ARSB: variants seen among roughly 807,000 people sequenced by gnomAD.
ARSB encodes arylsulfatase B, also known as N-acetylgalactosamine-4-sulfatase.
A neutral mutation model predicts 50.9 loss-of-function variants in ARSB; 41 were observed. That is an observed-to-expected ratio of 0.81 (90% CI 0.63 to 1.04). ARSB has a LOEUF of 1.04. Ranked by LOEUF, ARSB falls within the 50% of genes least tolerant of loss-of-function variation. ARSB has a pLI of 0.00. For missense variants in ARSB, 672 were observed against 693.3 expected, an observed-to-expected ratio of 0.97 and a Z score of 0.35; for synonymous variants, 269 against 284.8, an observed-to-expected ratio of 0.94 and a Z score of 0.56.
intron 1 of ARSB, among the ~76,000 whole-genome samples, chr5:78,974,290 G>A (rs1752577420): frequency 6.6e-6 from 1 of 152,222 alleles, no homozygotes; most frequent in Admixed American, 6.5e-5. Context: ...TCGGGCTGCA[G>A]AACTGGCCCG....
intron 4 of ARSB, among the ~76,000 whole-genome samples, chr5:78,908,565 T>C (rs934017488): frequency 1.3e-5 from 2 of 152,098 alleles, no homozygotes; most frequent in East Asian, 3.9e-4. Flanking sequence ...GCGGGCAGCC[T>C]GGCCGGAACA....
chr5:78,798,506 GC>G (rs1376332390), intron 6 of ARSB, among the ~76,000 whole-genome samples: 2 of 151,164 alleles, frequency 1.3e-5, no homozygotes, highest in African/African-American at 2.4e-5. Context: ...AGACCCCCCC[GC>G]CCCCTACATG....
intron 5 of ARSB, among the ~76,000 whole-genome samples, chr5:78,870,494 G>T (rs1019771679): frequency 2.7e-5 from 4 of 147,132 alleles, no homozygotes; most frequent in African/African-American, 5.0e-5. Context: ...TCCCTGGGAT[G>T]CAAGGCTGCT....
At chr5:78,873,497 A>ATTTTTTTTTT (rs1561475467) in intron 5 of ARSB, among the ~76,000 whole-genome samples, 3 of 23,404 alleles carry the variant, frequency 1.3e-4, no homozygotes, top group Non-Finnish European at 3.7e-4. Flanking sequence ...TTAAAACTGT[A>ATTTTTTTTTT]ATTTTTTTTT....
intron 5 of ARSB, among the ~76,000 whole-genome samples, chr5:78,867,087 C>A (rs1336970258): frequency 6.6e-6 from 1 of 152,154 alleles, no homozygotes; most frequent in Non-Finnish European, 1.5e-5. Flanking sequence ...GTCACTCCCA[C>A]CCGAATATTG....
At chr5:78,860,611 C>G (rs562751532) in intron 5 of ARSB, among the ~76,000 whole-genome samples, 85 of 152,230 alleles carry the variant, frequency 5.6e-4, no homozygotes, top group African/African-American at 1.9e-3. Flanking sequence ...ATTTAAAGCA[C>G]TGTGTAGAGG....
At chr5:78,959,722 T>C (rs1312931246) in intron 3 of ARSB, among the ~76,000 whole-genome samples, 1 of 152,252 alleles carries the variant, frequency 6.6e-6, no homozygotes, top group African/African-American at 2.4e-5. Flanking sequence ...AGGTGAACTT[T>C]ATTCATGAAA....
chr5:78,877,804 G>C (rs984198443), intron 5 of ARSB, among the ~76,000 whole-genome samples: 2 of 152,186 alleles, frequency 1.3e-5, no homozygotes, highest in African/African-American at 4.8e-5. Context: ...GTATAATGAG[G>C]AGAATAATCA....
chr5:78,892,509 G>A (rs1328928868), intron 4 of ARSB, among the ~76,000 whole-genome samples: 1 of 151,946 alleles, frequency 6.6e-6, no homozygotes, highest in Non-Finnish European at 1.5e-5. Context: ...ATCCACCTCG[G>A]CTTCCCATAG....
At chr5:78,972,705 T>C (rs945820537) in intron 1 of ARSB, among the ~76,000 whole-genome samples, 2 of 152,218 alleles carry the variant, frequency 1.3e-5, no homozygotes, top group Non-Finnish European at 1.5e-5. Flanking sequence ...CCAGTGGAGA[T>C]AAATGCTCTG....
intron 5 of ARSB, among the ~76,000 whole-genome samples, chr5:78,849,879 T>C (rs1427237415): frequency 1.3e-5 from 2 of 150,768 alleles, no homozygotes; most frequent in East Asian, 3.9e-4. Context: ...TATTGGTGTA[T>C]AAGAATGCTT....
chr5:78,878,340 C>G (rs1468076306), intron 5 of ARSB, among the ~76,000 whole-genome samples: 25 of 151,992 alleles, frequency 1.6e-4, no homozygotes, highest in Non-Finnish European at 1.5e-5. Flanking sequence ...ACCATTTCTA[C>G]CAGATATTTA....
At chr5:78,965,994 A>G (rs337848) in intron 2 of ARSB, among the ~76,000 whole-genome samples, 35,050 of 152,138 alleles carry the variant, frequency 0.23, 4,272 homozygotes, top group Admixed American at 0.3. Flanking sequence ...CATAAAAATA[A>G]TTTCAGCCCT....
intron 5 of ARSB, among the ~76,000 whole-genome samples, chr5:78,872,816 T>TAAAAAAA (rs56211605): frequency 1.6e-5 from 2 of 128,078 alleles, no homozygotes; most frequent in African/African-American, 2.9e-5. Flanking sequence ...AAAGTATAAT[T>TAAAAAAA]AAAAAAAAAA....
At chr5:78,802,901 G>A (rs116512220) in intron 6 of ARSB, among the ~76,000 whole-genome samples, 3,284 of 152,306 alleles carry the variant, frequency 0.022, 65 homozygotes, top group Non-Finnish European at 0.034. Context: ...GGATAAAACT[G>A]TGGTCCTACT....
rs534514215 is a variant in ARSB, at chr5:78,903,661, T to G, written c.899-17834A>C. On this transcript the variant is annotated intron_variant, in intron 4 of 7. Transcript: ENST00000264914. ...TGGCATATGAAACACAAAATTCTTT[T>G]TTGGAAAGCTTTCTGTATGTATCAG... Among the ~76,000 whole-genome samples, 5 of 152,356 alleles carry G rather than the reference T, an allele frequency of 3.3e-5. No homozygotes were observed. In the South Asian group the frequency reaches 6.2e-4, roughly 19 times the overall value.
rs117041365 is a variant in ARSB, at chr5:78,866,681, C to G, written c.1142+18903G>C. 2.0e-3 allele frequency among the ~76,000 whole-genome samples: 299 copies of G among 152,248 alleles called. 8 individuals are homozygous for G. In the East Asian group the frequency reaches 0.051, roughly 26 times the overall value. ...GGCAGCTGAGATGCTGAGAGAGGAG[C>G]AGCTGAAGAACAAGTGTCCTTTGGA... is the stretch of plus-strand genomic sequence containing the variant. On this transcript the variant is annotated intron_variant, in intron 5 of 7. Coordinates refer to ENST00000264914, the MANE Select transcript of ARSB (RefSeq NM_000046.5).
chr5:78,863,671 G>A (rs1746563615), intron 5 of ARSB, among the ~76,000 whole-genome samples: 1 of 152,040 alleles, frequency 6.6e-6, no homozygotes. Context: ...ATGTGTTAAT[G>A]GGTGCAGGAC....
chr5:78,804,732 C>A (rs943939823), intron 6 of ARSB, among the ~76,000 whole-genome samples: 44 of 152,172 alleles, frequency 2.9e-4, no homozygotes, highest in Admixed American at 2.6e-4. Flanking sequence ...GCCTTTCTGT[C>A]CCCAGTATGG....
Sources: gnomAD v4.1 joint callset for allele counts (sites outside exome capture counted in the v4.1 genomes callset) on GRCh38, gnomAD v4.1.1 for gene constraint, MANE v1.5 for transcripts, NCBI Gene and HGNC (gene_info 2026-07-23, HGNC 2026-07-21) for gene names.